The following PI4K2B variants were observed in gnomAD, a reference collection of about 807,000 sequenced individuals.
The protein encoded by PI4K2B is phosphatidylinositol 4-kinase type 2 beta, also known as phosphatidylinositol 4-kinase type 2-beta.
PI4K2B carries 46 observed loss-of-function variants against 56.6 expected under a neutral mutation model. That is an observed-to-expected ratio of 0.81 (90% CI 0.64 to 1.04). The LOEUF (loss-of-function observed/expected upper bound fraction) is 1.04. PI4K2B is among the 50% of genes least tolerant of loss of function. PI4K2B has a pLI of 0.00. For synonymous variants in PI4K2B, 211 were observed against 223.8 expected, an observed-to-expected ratio of 0.94 and a Z score of 0.51; for missense variants, 556 against 607.7, an observed-to-expected ratio of 0.91 and a Z score of 0.89.
chr4:25,245,601 G>C (rs1274934076), intron 1 of PI4K2B, among the ~76,000 whole-genome samples: 1 of 152,184 alleles, frequency 6.6e-6, no homozygotes, highest in African/African-American at 2.4e-5. Flanking sequence ...TTCCCAGAAA[G>C]CCTGAGACCC....
chr4:25,267,769 A>G (rs923069302), intron 7 of PI4K2B: 2 of 981,254 alleles, frequency 2.0e-6, no homozygotes, highest in Non-Finnish European at 2.4e-6. Flanking sequence ...TTGAGGGAGA[A>G]TTAGAGATAG....
intron 9 of PI4K2B, among the ~76,000 whole-genome samples, chr4:25,275,154 G>T (rs1169790936): frequency 6.6e-6 from 1 of 152,154 alleles, no homozygotes; most frequent in Non-Finnish European, 1.5e-5. Context: ...TGTTCTTAGA[G>T]TCAGGAAAAT....
At chr4:25,263,498 G>GA (rs1577693692) in intron 6 of PI4K2B, among the ~76,000 whole-genome samples, 1 of 151,938 alleles carries the variant, frequency 6.6e-6, no homozygotes, top group African/African-American at 2.4e-5. Flanking sequence ...CTTTTAAAGA[G>GA]AAAAAACTTG....
chr4:25,238,739 AC>A (rs1247086522), intron 1 of PI4K2B, among the ~76,000 whole-genome samples: 1 of 152,110 alleles, frequency 6.6e-6, no homozygotes, highest in East Asian at 1.9e-4. Flanking sequence ...GGTGAGTGTT[AC>A]AGCTCATAAA....
chr4:25,251,369 G>A (rs1426458431), intron 1 of PI4K2B, among the ~76,000 whole-genome samples: 6 of 152,136 alleles, frequency 3.9e-5, no homozygotes, highest in Admixed American at 1.3e-4. Flanking sequence ...CTTTAATTCC[G>A]CTGCCCTGGT....
At chr4:25,260,947 A>G (rs1271584975) in intron 6 of PI4K2B, among the ~76,000 whole-genome samples, 1 of 148,718 alleles carries the variant, frequency 6.7e-6, no homozygotes, top group Non-Finnish European at 1.5e-5. Context: ...GCCTCAAGCA[A>G]TCCATCCGCC....
chr4:25,277,037 G>A lies in PI4K2B; in HGVS notation c.1296G>A (p.Leu432=). 6.3e-7 allele frequency: 1 copy of A among 1,598,604 alleles called. No individual in the cohort carries two copies. Among genetic ancestry groups the A allele is most frequent in the South Asian group, 1.1e-5 (1 of 89,312 alleles). The change falls in exon 10 of 10, where the codon TTG becomes TTA. Residue 432 remains leucine (L), a synonymous_variant. Transcript: ENST00000264864. ...AGATCTTAAACCTTACTCAGGCATT[G>A]AGAGACGGGAAGAGTCCTTTCCAGC... ...RGQILNLTQA[L]RDGKSPFQLV...
intron 9 of PI4K2B, among the ~76,000 whole-genome samples, chr4:25,270,156 A>G (rs889752371): frequency 6.6e-6 from 1 of 152,058 alleles, no homozygotes; most frequent in Non-Finnish European, 1.5e-5. Context: ...TCACTTAGAC[A>G]TTTCAGTACC....
intron 6 of PI4K2B, among the ~76,000 whole-genome samples, chr4:25,263,043 G>T (rs1421928839): frequency 6.6e-6 from 1 of 152,202 alleles, no homozygotes; most frequent in African/African-American, 2.4e-5. Context: ...GAGAATGAGT[G>T]TAGGAGAAAT....
In PI4K2B at chr4:25,252,353, T is replaced by G; in HGVS notation, c.301T>G (p.Leu101Val). ...TIGTSEMNAF[L>V]DDPEFADIML... ...TGGTACTTCAGAGATGAATGCATTC[T>G]TGGATGACCCAGAATTTGCCGATAT... The change falls in exon 2 of 10, where the codon TTG (leucine) becomes GTG (valine). Residue 101 changes from leucine to valine, a missense_variant. Transcript: ENST00000264864. 1 of 1,611,110 alleles carries G rather than the reference T, an allele frequency of 6.2e-7. No homozygotes were observed. The highest frequency in any genetic ancestry group is 1.3e-5 in the African/African-American group (1 of 75,008).
intron 2 of PI4K2B, 27 bp downstream of exon 2, chr4:25,252,502 G>A: frequency 1.4e-6 from 2 of 1,443,442 alleles, no homozygotes; most frequent in Non-Finnish European, 1.9e-6. Flanking sequence ...CCTATTATAT[G>A]TAATGGAAAC....
intron 6 of PI4K2B, among the ~76,000 whole-genome samples, 197 bp from the exon 7 acceptor site, chr4:25,263,553 G>A (rs768113610): frequency 1.3e-5 from 2 of 151,998 alleles, no homozygotes; most frequent in Non-Finnish European, 2.9e-5. Context: ...TTAAAAAATA[G>A]TGGTTAGGAA....
chr4:25,242,616 C>G (rs1715576031), intron 1 of PI4K2B, among the ~76,000 whole-genome samples: 1 of 152,254 alleles, frequency 6.6e-6, no homozygotes, highest in Non-Finnish European at 1.5e-5. Context: ...ACTGACCATT[C>G]AGTTTTTGTA....
chr4:25,249,510 T>TG (rs1395356275), intron 1 of PI4K2B, among the ~76,000 whole-genome samples: 59 of 70,166 alleles, frequency 8.4e-4, no homozygotes, highest in African/African-American at 1.7e-3. Flanking sequence ...ACGGGGTGGC[T>TG]GCCGGGCGGA....
chr4:25,247,230 G>A (rs902007527), intron 1 of PI4K2B, among the ~76,000 whole-genome samples: 61 of 152,362 alleles, frequency 4.0e-4, no homozygotes, highest in African/African-American at 1.4e-3. Flanking sequence ...TTTAGAGGAA[G>A]GTTTTAGCAG....
At position 25,234,149 on chromosome 4, in the gene PI4K2B, G is replaced by A. The variant is rs1715124924; in HGVS notation, c.-15G>A. 1 of 1,346,188 alleles carries A rather than the reference G, an allele frequency of 7.4e-7. No homozygotes were observed. Among genetic ancestry groups the A allele is most frequent in the Non-Finnish European group, 9.6e-7 (1 of 1,046,378 alleles). The allele number at this position is 1,346,188 out of a possible 1,614,324, so 83.4% of individuals were successfully genotyped here. On this transcript the variant is annotated 5_prime_UTR_variant, in exon 1 of 10. Transcript: ENST00000264864. The stretch of plus-strand genomic sequence containing the variant: ...CTCTGATCTGGTCTCAGCGCGGAGG[G>A]AGCAGAGGGAGTCCATGGAGGATCC...
Position 25,259,063 on chromosome 4 carries a change from A to C in PI4K2B, c.783A>C (p.Glu261Asp). Residue 261 changes from glutamate (E) to aspartate (D), a missense_variant, in exon 5 of 10, where the codon GAA (glutamate) becomes GAC (aspartate). Coordinates refer to ENST00000264864, the MANE Select transcript of PI4K2B (RefSeq NM_018323.4). ...PKIGSFQLFV[E>D]GYKEAEYWLR... ...TTGGTTCCTTTCAGTTATTTGTTGA[A>C]GGTTACAAGGAGGCTGAATATTGGC... 1 of 1,577,960 alleles carries C rather than the reference A, an allele frequency of 6.3e-7. No homozygotes were observed.
At chr4:25,274,135 C>T (rs544051848) in intron 9 of PI4K2B, among the ~76,000 whole-genome samples, 11 of 152,148 alleles carry the variant, frequency 7.2e-5, no homozygotes, top group South Asian at 2.1e-4. Context: ...ATATGGGGTA[C>T]ATTGCTATAG....
intron 5 of PI4K2B, among the ~76,000 whole-genome samples, chr4:25,259,445 G>A (rs943349531): frequency 5.9e-5 from 9 of 152,148 alleles, no homozygotes; most frequent in African/African-American, 1.9e-4. Flanking sequence ...GGCAAAGTCA[G>A]ATATTGGAAA....
Sources: gnomAD v4.1 joint callset for allele counts (sites outside exome capture counted in the v4.1 genomes callset) on GRCh38, gnomAD v4.1.1 for gene constraint, MANE v1.5 for transcripts, NCBI Gene and HGNC (gene_info 2026-07-23, HGNC 2026-07-21) for gene names.